WDR64: variants seen among roughly 807,000 people sequenced by gnomAD.
WDR64 encodes the protein WD repeat domain 64.
In WDR64, 112 loss-of-function variants were observed where a neutral mutation model predicts 139.3. The ratio of observed to expected loss-of-function variants is 0.80; its 90% confidence interval spans 0.69 to 0.94. The LOEUF (loss-of-function observed/expected upper bound fraction) is 0.94. Among genes scored for constraint, WDR64 ranks in the 40% least tolerant of loss-of-function variants. WDR64 has a pLI of 0.00. For synonymous variants in WDR64, 444 were observed against 437.7 expected (o/e 1.01, Z -0.18); for missense variants, 1,206 against 1,293.1 (o/e 0.93, Z 1.03).
rs951165308 is a variant in WDR64 at position 241,801,826 on chromosome 1, A to C, written c.*611A>C. On this transcript the variant is annotated 3_prime_UTR_variant, in exon 28 of 28. Coordinates refer to ENST00000437684, the MANE Select transcript of WDR64 (RefSeq NM_001367482.1). ...TGGGTCATAGAAATAGAAAAAGCATAGTAACATGGTAGATTTAACCTTAAA... is the reference window on the plus strand; with the variant it reads ...TGGGTCATAGAAATAGAAAAAGCATCGTAACATGGTAGATTTAACCTTAAA... 2.8e-5 allele frequency: 11 copies of C among 398,236 alleles called. No individual in the cohort carries two copies. The highest frequency in any genetic ancestry group is 2.1e-4 in the African/African-American group (10 of 48,634). The allele number at this position is 398,236 out of a possible 1,614,324, so 24.7% of individuals were successfully genotyped here.
At chr1:241,761,650 T>A (rs1395175028) in intron 15 of WDR64, among the ~76,000 whole-genome samples, 1 of 152,144 alleles carries the variant, frequency 6.6e-6, no homozygotes, top group East Asian at 1.9e-4. Flanking sequence ...GTGATGCTGA[T>A]AGCATTTTAC....
At chr1:241,699,998 G>A (rs766072122) in intron 8 of WDR64, among the ~76,000 whole-genome samples, 3 of 151,708 alleles carry the variant, frequency 2.0e-5, no homozygotes, top group Non-Finnish European at 4.4e-5. Flanking sequence ...GCTCAAAGGA[G>A]GGAGACCAAT....
chr1:241,794,516 T>TG (rs1553382973), intron 25 of WDR64, among the ~76,000 whole-genome samples: 3 of 143,704 alleles, frequency 2.1e-5, no homozygotes, highest in Admixed American at 7.0e-5. Context: ...TTTTTTTTTT[T>TG]TTTTTTTTTT....
intron 2 of WDR64, among the ~76,000 whole-genome samples, chr1:241,662,392 G>A (rs760186672): frequency 1.3e-5 from 2 of 152,092 alleles, no homozygotes; most frequent in Non-Finnish European, 2.9e-5. Flanking sequence ...ATGCCTTGCC[G>A]TTGTAAGTCT....
At chr1:241,675,127 C>CCTTCCTCCCTCCCT (rs1558466150) in intron 4 of WDR64, among the ~76,000 whole-genome samples, 1 of 57,504 alleles carries the variant, frequency 1.7e-5, no homozygotes, top group Non-Finnish European at 3.4e-5. Context: ...CTCCCTCCTT[C>CCTTCCTCCCTCCCT]CCTCCTTCCC....
chr1:241,756,131 G>A (rs1040493490), intron 14 of WDR64, among the ~76,000 whole-genome samples: 6 of 152,136 alleles, frequency 3.9e-5, no homozygotes, highest in Non-Finnish European at 8.8e-5. Context: ...GGATAACATT[G>A]AATCTATAAA....
intron 8 of WDR64, among the ~76,000 whole-genome samples, chr1:241,708,584 G>A (rs571073046): frequency 6.6e-6 from 1 of 152,172 alleles, no homozygotes; most frequent in African/African-American, 2.4e-5. Context: ...AAAGTGCTGG[G>A]ATTACAGGCA....
chr1:241,689,390 G>A (rs1275490595), intron 8 of WDR64, among the ~76,000 whole-genome samples: 1 of 152,100 alleles, frequency 6.6e-6, no homozygotes, highest in African/African-American at 2.4e-5. Flanking sequence ...ATAAAAAGAT[G>A]CAGAAAGATA....
At chr1:241,743,290 T>C (rs1157816637) in intron 12 of WDR64, among the ~76,000 whole-genome samples, 2 of 152,162 alleles carry the variant, frequency 1.3e-5, no homozygotes, top group Non-Finnish European at 2.9e-5. Context: ...GGCCAGGAGA[T>C]GGGTGACCCC....
At position 241,749,907 on chromosome 1, in the gene WDR64, TCGCTGC is replaced by T. The variant is rs143320231; in HGVS notation, c.1770+187_1770+192del. On this transcript the variant is annotated intron_variant, in intron 14 of 27. Coordinates refer to ENST00000437684, the MANE Select transcript of WDR64 (RefSeq NM_001367482.1). ...GGTTTAGGCAAAGAGCAAAAAACAA[TCGCTGC>T]CCAGCCACGGCATGCTGCCCATCAA... Among the ~76,000 whole-genome samples, 5 of 152,220 alleles carry T rather than the reference TCGCTGC, an allele frequency of 3.3e-5. No homozygotes were observed. The East Asian group carries it at 9.7e-4, about 29-fold the overall frequency.
chr1:241,653,566 G>A (rs1328195447), intron 1 of WDR64, among the ~76,000 whole-genome samples: 3 of 140,582 alleles, frequency 2.1e-5, no homozygotes, highest in African/African-American at 5.2e-5. Flanking sequence ...TTTCTGAGAC[G>A]GAGTTTCATT....
Position 241,742,782 on chromosome 1 carries a change from G to C in WDR64, c.1470+1118G>C, listed in dbSNP as rs1453745822. 4.6e-5 allele frequency among the ~76,000 whole-genome samples: 7 copies of C among 152,096 alleles called. No homozygotes were observed. In the South Asian group the frequency reaches 1.0e-3, roughly 23 times the overall value. ...TGTGAGATCCAAGAACCCTCTCTTG[G>C]GAGTCTGGATCAGGACCCCTTTCCC... On this transcript the variant is annotated intron_variant, in intron 12 of 27. Transcript: ENST00000437684.
chr1:241,778,215 T>C (rs1015418021), intron 21 of WDR64, among the ~76,000 whole-genome samples: 1 of 152,200 alleles, frequency 6.6e-6, no homozygotes, highest in African/African-American at 2.4e-5. Flanking sequence ...TGGTCAAATC[T>C]TCTTGGAGAA....
Position 241,769,395 on chromosome 1 carries a change from T to TA in WDR64, c.2082-8dup. 6.5e-7 allele frequency: 1 copy of TA among 1,549,782 alleles called. No homozygotes were observed. Among genetic ancestry groups the TA allele is most frequent in the Non-Finnish European group, 8.7e-7 (1 of 1,145,668 alleles). ...ATTTTTTCTCATATAAATGTATACT[T>TA]ACTTCTAGGTACCGACCTGAAGATT... On this transcript the variant is annotated splice_polypyrimidine_tract_variant and intron_variant, in intron 16 of 27. Coordinates refer to ENST00000437684, the MANE Select transcript of WDR64 (RefSeq NM_001367482.1).
intron 25 of WDR64, among the ~76,000 whole-genome samples, chr1:241,791,064 A>C (rs1205835809): frequency 1.3e-5 from 2 of 152,128 alleles, no homozygotes; most frequent in Non-Finnish European, 2.9e-5. Flanking sequence ...AGGTGTGTGG[A>C]TCACCTGAGG....
intron 14 of WDR64, among the ~76,000 whole-genome samples, chr1:241,756,050 T>A (rs1670177361): frequency 6.6e-6 from 1 of 152,216 alleles, no homozygotes. Context: ...TACGGGCTCT[T>A]TTTTGGTTCC....
At chr1:241,682,753 T>C (rs542572050) in intron 6 of WDR64, among the ~76,000 whole-genome samples, 11 of 152,342 alleles carry the variant, frequency 7.2e-5, no homozygotes, top group Non-Finnish European at 1.3e-4. Context: ...AATGTTACTT[T>C]CTCTGGCCAT....
At chr1:241,685,404 T>G (rs1255305912) in intron 7 of WDR64, among the ~76,000 whole-genome samples, 1 of 151,902 alleles carries the variant, frequency 6.6e-6, no homozygotes, top group African/African-American at 2.4e-5. Context: ...AATTAATTTT[T>G]TATGTATATA....
intron 2 of WDR64, among the ~76,000 whole-genome samples, chr1:241,662,601 C>T (rs1342308191): frequency 6.6e-6 from 1 of 152,096 alleles, no homozygotes; most frequent in Non-Finnish European, 1.5e-5. Flanking sequence ...AGAAACAGCT[C>T]ATCATATTTG....
Sources: gnomAD v4.1 joint callset for allele counts (sites outside exome capture counted in the v4.1 genomes callset) on GRCh38, gnomAD v4.1.1 for gene constraint, MANE v1.5 for transcripts, NCBI Gene and HGNC (gene_info 2026-07-23, HGNC 2026-07-21) for gene names.